Variants in FIRRM observed in about 807,000 individuals in gnomAD.
FIRRM encodes FIGNL1 interacting regulator of recombination and mitosis.
At chr1:169,831,140 T>A in the FIRRM span, among the ~76,000 whole-genome samples, 3 of 152,358 alleles carry the variant, frequency 2.0e-5, no homozygotes, top group Non-Finnish European at 4.4e-5. Context: ...TTGTATTTTT[T>A]TTTTAAGTCA....
the FIRRM span, among the ~76,000 whole-genome samples, chr1:169,840,069 G>C: frequency 2.0e-5 from 3 of 152,120 alleles, no homozygotes; most frequent in South Asian, 4.2e-4. Flanking sequence ...TCTCTATTGT[G>C]TTTCATTGAT....
At chr1:169,852,606 T>G in the FIRRM span, 1 of 618,528 alleles carries the variant, frequency 1.6e-6, no homozygotes. Flanking sequence ...TGAATTGCTA[T>G]GATAAACCAA....
At chr1:169,811,761 TAGACAGATTATCTAAATAGATAATAGAC>T in the FIRRM span, among the ~76,000 whole-genome samples, 16 of 131,392 alleles carry the variant, frequency 1.2e-4, no homozygotes, top group South Asian at 9.6e-4. Context: ...AAATAGATAA[TAGACAGATTATCTAAATAGATAATAGAC>T]AGATTATCTA....
At chr1:169,805,963 A>G in the FIRRM span, 1 of 1,195,860 alleles carries the variant, frequency 8.4e-7, no homozygotes, top group Non-Finnish European at 1.2e-6. Context: ...CACCCCCATG[A>G]CATTTGGATG....
At chr1:169,829,435 C>A in the FIRRM span, 12 of 1,611,406 alleles carry the variant, frequency 7.4e-6, no homozygotes, top group Non-Finnish European at 9.3e-6. Context: ...TCATCCCTCA[C>A]TGTTTGCTGA....
chr1:169,823,186 G>A, the FIRRM span, among the ~76,000 whole-genome samples: 4 of 151,760 alleles, frequency 2.6e-5, no homozygotes, highest in Non-Finnish European at 5.9e-5. Flanking sequence ...GGGAGGCAGA[G>A]GTTTCATGAG....
the FIRRM span, chr1:169,793,246 G>A: frequency 1.9e-6 from 3 of 1,614,098 alleles, no homozygotes; most frequent in Admixed American, 1.7e-5. Context: ...GAGAAGAAAA[G>A]CTTTTTGAAA....
chr1:169,823,325 T>G, the FIRRM span: 62 of 715,694 alleles, frequency 8.7e-5, no homozygotes, highest in Non-Finnish European at 1.3e-4. Flanking sequence ...GGATTTTATG[T>G]TATTTTGCAT....
the FIRRM span, among the ~76,000 whole-genome samples, chr1:169,811,563 G>A: frequency 6.6e-6 from 1 of 152,046 alleles, no homozygotes. Context: ...ACTGGGGTGG[G>A]AGGATGCATT....
chr1:169,836,836 T>C, the FIRRM span: 1 of 887,248 alleles, frequency 1.1e-6, no homozygotes, highest in Non-Finnish European at 1.7e-6. Flanking sequence ...TTTCTCGAAA[T>C]ATTAAATGTG....
At chr1:169,815,891 A>G in the FIRRM span, among the ~76,000 whole-genome samples, 3 of 152,194 alleles carry the variant, frequency 2.0e-5, no homozygotes, top group African/African-American at 4.8e-5. Flanking sequence ...GACATCTTCT[A>G]TAACTTCTTC....
At chr1:169,837,182 G>T in the FIRRM span, 1 of 1,278,626 alleles carries the variant, frequency 7.8e-7, no homozygotes, top group South Asian at 2.0e-5. Context: ...TAGGTACTGG[G>T]GTTAGGTTGT....
the FIRRM span, among the ~76,000 whole-genome samples, chr1:169,826,854 TGTTTA>T: frequency 0.066 from 10,073 of 152,286 alleles, 424 homozygotes; most frequent in Non-Finnish European, 0.098. Flanking sequence ...ATTATGGCTA[TGTTTA>T]GTTTAGAGAT....
At chr1:169,837,179 T>G in the FIRRM span, 3 of 1,306,980 alleles carry the variant, frequency 2.3e-6, no homozygotes, top group Admixed American at 2.8e-5. Context: ...TTTTAGGTAC[T>G]GGGGTTAGGT....
chr1:169,792,777 G>C, the FIRRM span: 140 of 1,612,846 alleles, frequency 8.7e-5, no homozygotes, highest in African/African-American at 1.5e-3. Flanking sequence ...AGGAAAGTCT[G>C]GTGCAAATTA....
At chr1:169,786,347 G>A in the FIRRM span, among the ~76,000 whole-genome samples, 1 of 152,138 alleles carries the variant, frequency 6.6e-6, no homozygotes, top group Admixed American at 6.5e-5. Context: ...ACACAGCAAA[G>A]CAAACAGGAT....
the FIRRM span, chr1:169,832,502 A>G: frequency 1.2e-6 from 2 of 1,610,324 alleles, no homozygotes; most frequent in Non-Finnish European, 1.7e-6. Context: ...GCACCACCCC[A>G]TCAGGCAAGG....
At chr1:169,840,499 C>A in the FIRRM span, among the ~76,000 whole-genome samples, 6 of 149,110 alleles carry the variant, frequency 4.0e-5, no homozygotes, top group Non-Finnish European at 8.9e-5. Flanking sequence ...GGATCGTGTT[C>A]TTTTCTTTTT....
At chr1:169,850,254 T>C in the FIRRM span, 2 of 1,590,618 alleles carry the variant, frequency 1.3e-6, no homozygotes, top group South Asian at 2.2e-5. Context: ...TGTTCATCAA[T>C]TTTTTAATAG....
Sources: gnomAD v4.1 joint callset for allele counts (sites outside exome capture counted in the v4.1 genomes callset) on GRCh38, gnomAD v4.1.1 for gene constraint, MANE v1.5 for transcripts, NCBI Gene and HGNC (gene_info 2026-07-23, HGNC 2026-07-21) for gene names.